The following LCLAT1 variants were observed in gnomAD, a reference collection of about 807,000 sequenced individuals.
LCLAT1 encodes lysocardiolipin acyltransferase 1, also known as 1-AGP acyltransferase 8.
In LCLAT1, 11 loss-of-function variants were observed where a neutral mutation model predicts 30.7. The ratio of observed to expected loss-of-function variants is 0.36; its 90% CI spans 0.23 to 0.59. The LOEUF is 0.59. LCLAT1 is among the 20% of genes least tolerant of loss of function. The pLI is 0.77. For missense variants in LCLAT1, 402 were observed against 458.6 expected (o/e 0.88, Z 1.13); for synonymous variants, 155 against 151.3 (o/e 1.02, Z -0.18).
chr2:30,514,956 C>T (rs554894767), intron 1 of LCLAT1, among the ~76,000 whole-genome samples: 87 of 152,322 alleles, frequency 5.7e-4, no homozygotes, highest in African/African-American at 2.0e-3. Context: ...CCCCTAGTGA[C>T]CTGGCAAATG....
At chr2:30,589,931 A>G (rs1238737176) in intron 5 of LCLAT1, among the ~76,000 whole-genome samples, 2 of 152,070 alleles carry the variant, frequency 1.3e-5, no homozygotes, top group African/African-American at 4.8e-5. Context: ...CAAAGCATCC[A>G]AGAGGTGATT....
intron 3 of LCLAT1, among the ~76,000 whole-genome samples, chr2:30,543,148 CT>C (rs1664232831): frequency 6.6e-6 from 1 of 151,862 alleles, no homozygotes; most frequent in African/African-American, 2.4e-5. Context: ...CCTTCTATTC[CT>C]GATTTGCTGT....
chr2:30,484,616 C>G (rs1345573580), intron 1 of LCLAT1, among the ~76,000 whole-genome samples: 3 of 152,112 alleles, frequency 2.0e-5, no homozygotes, highest in Non-Finnish European at 2.9e-5. Flanking sequence ...TAATGCAGAT[C>G]TAGTTTCTGT....
intron 5 of LCLAT1, among the ~76,000 whole-genome samples, chr2:30,596,053 C>A (rs1341647457): frequency 6.6e-6 from 1 of 152,096 alleles, no homozygotes; most frequent in Non-Finnish European, 1.5e-5. Flanking sequence ...GGAATTTAGG[C>A]TGATTCTGTG....
At chr2:30,539,919 A>G (rs557049366) in intron 3 of LCLAT1, among the ~76,000 whole-genome samples, 3 of 152,340 alleles carry the variant, frequency 2.0e-5, no homozygotes, top group South Asian at 4.1e-4. Context: ...CATAGATACT[A>G]TGGGGTGGCA....
chr2:30,459,576 C>T (rs947909925), intron 1 of LCLAT1: 1 of 1,442,376 alleles, frequency 6.9e-7, no homozygotes, highest in Non-Finnish European at 9.8e-7. Flanking sequence ...TGGGTACTCT[C>T]TTCTGGGAAG....
intron 1 of LCLAT1, among the ~76,000 whole-genome samples, chr2:30,448,538 G>C (rs548306875): frequency 2.0e-5 from 3 of 152,152 alleles, no homozygotes; most frequent in Non-Finnish European, 2.9e-5. Context: ...ACGTAATAGC[G>C]CTTGTGTTTC....
In LCLAT1 at chr2:30,461,649, G is replaced by A. The variant is rs963523839; in HGVS notation, c.-5+14266G>A. Reference sequence around the variant, plus strand: ...GAGCAAGGAAGTGTTGGAGAAGTCAGTGCTTTCTGACTTTAAAGCCCTTTA... The same window carrying A: ...GAGCAAGGAAGTGTTGGAGAAGTCAATGCTTTCTGACTTTAAAGCCCTTTA... On this transcript the variant is annotated intron_variant, in intron 1 of 5. Transcript: ENST00000379509. Among the ~76,000 whole-genome samples the A allele has an allele frequency of 2.0e-5, 3 of 152,098 alleles. No homozygotes were observed. The East Asian group carries it at 5.8e-4, about 29-fold the overall frequency.
intron 1 of LCLAT1, among the ~76,000 whole-genome samples, chr2:30,524,492 G>C (rs1485633111): frequency 6.6e-6 from 1 of 152,218 alleles, no homozygotes; most frequent in East Asian, 1.9e-4. Context: ...ACAGTCAACT[G>C]TGGTTTGAAT....
At chr2:30,570,754 A>G (rs1243746774) in intron 5 of LCLAT1, among the ~76,000 whole-genome samples, 1 of 152,210 alleles carries the variant, frequency 6.6e-6, no homozygotes, top group African/African-American at 2.4e-5. Flanking sequence ...AAAAGAGGCT[A>G]AATGGCCAGA....
intron 5 of LCLAT1, among the ~76,000 whole-genome samples, chr2:30,592,304 G>A (rs558209730): frequency 1.3e-5 from 2 of 152,166 alleles, no homozygotes; most frequent in African/African-American, 4.8e-5. Flanking sequence ...AACATAGGGA[G>A]ACCCTGTCTC....
chr2:30,458,990 C>G (rs191722860), intron 1 of LCLAT1, among the ~76,000 whole-genome samples: 7 of 152,290 alleles, frequency 4.6e-5, no homozygotes, highest in African/African-American at 1.7e-4. Flanking sequence ...GCAAGAGTTT[C>G]TCTACTGCAA....
rs568427853 is a variant in LCLAT1, at chr2:30,578,707, A to C, written c.628+10531A>C. Among the ~76,000 whole-genome samples, 4 of 152,290 alleles carry C rather than the reference A, an allele frequency of 2.6e-5. No individual in the cohort carries two copies. The South Asian group carries it at 8.3e-4, about 32-fold the overall frequency. Reference sequence around the variant, plus strand: ...TAGATGTCATTATTATAGAAGATCTACCAACTTGACCATGATATGTTTCAG... The same window carrying C: ...TAGATGTCATTATTATAGAAGATCTCCCAACTTGACCATGATATGTTTCAG... On this transcript the variant is annotated intron_variant, in intron 5 of 5. Transcript: ENST00000379509.
At chr2:30,499,136 T>C (rs1684246614) in intron 1 of LCLAT1, among the ~76,000 whole-genome samples, 1 of 152,030 alleles carries the variant, frequency 6.6e-6, no homozygotes, top group African/African-American at 2.4e-5. Flanking sequence ...CTGATAGAGG[T>C]GAGGAGTGGG....
chr2:30,459,706 G>A (rs1682012351), intron 1 of LCLAT1: 2 of 1,613,154 alleles, frequency 1.2e-6, no homozygotes, highest in East Asian at 2.2e-5. Flanking sequence ...CATAAAGCAG[G>A]ACTCTAAAAG....
intron 1 of LCLAT1, among the ~76,000 whole-genome samples, chr2:30,479,113 C>G (rs1364949637): frequency 6.6e-6 from 1 of 152,140 alleles, no homozygotes; most frequent in Non-Finnish European, 1.5e-5. Context: ...AAATACCGTA[C>G]AGCAATGAGC....
intron 5 of LCLAT1, among the ~76,000 whole-genome samples, chr2:30,634,892 C>T (rs369276830): frequency 6.6e-6 from 1 of 152,220 alleles, no homozygotes; most frequent in Non-Finnish European, 1.5e-5. Flanking sequence ...CCATGCTAAC[C>T]TCTTTCACCT....
chr2:30,627,787 T>C (rs886677244), intron 5 of LCLAT1, among the ~76,000 whole-genome samples: 2 of 152,182 alleles, frequency 1.3e-5, no homozygotes, highest in Non-Finnish European at 2.9e-5. Context: ...TGAAAAGATA[T>C]TTGATAAAGT....
intron 3 of LCLAT1, among the ~76,000 whole-genome samples, chr2:30,534,452 G>A (rs1185021888): frequency 6.6e-6 from 1 of 151,940 alleles, no homozygotes; most frequent in Non-Finnish European, 1.5e-5. Flanking sequence ...TAATTTTTTG[G>A]TATTTTTAGT....
Sources: allele counts gnomAD v4.1 joint callset (sites outside exome capture counted in the v4.1 genomes callset), GRCh38; gene constraint gnomAD v4.1.1; transcripts MANE v1.5; gene names NCBI Gene and HGNC (gene_info 2026-07-23, HGNC 2026-07-21).